The following SCN1A variants were observed in gnomAD, a reference collection of about 807,000 sequenced individuals.
SCN1A encodes the protein sodium voltage-gated channel alpha subunit 1.
Under a neutral mutation model 193.7 loss-of-function variants are expected in SCN1A, and 13 were observed. The observed-to-expected ratio is 0.07, with a 90% confidence interval of 0.04 to 0.11. The LOEUF is 0.11. SCN1A is among the 10% of genes least tolerant of loss of function. SCN1A has a pLI of 1.00. For synonymous variants in SCN1A, 781 were observed against 843.6 expected, an observed-to-expected ratio of 0.93 and a Z score of 1.29; for missense variants, 1,432 against 2,451.1, an observed-to-expected ratio of 0.58 and a Z score of 8.78.
chr2:166,038,166 A>G (rs757827295), intron 17 of SCN1A, 34 bp from the exon 18 acceptor site: 2 of 1,485,830 alleles, frequency 1.3e-6, no homozygotes, highest in East Asian at 4.7e-5. Flanking sequence ...TATTTGTATG[A>G]TTCTTAAAAG....
rs916743254 is a variant in SCN1A at position 166,038,959 on chromosome 2, A to G, written c.2589+464T>C. ...TATGTGTGAATTAATGGGCATGCTT[A>G]GTAATCCTACAGACTTTCTCTCCTT... On this transcript the variant is annotated intron_variant, in intron 17 of 28. Transcript: ENST00000674923. 3.9e-5 allele frequency among the ~76,000 whole-genome samples: 6 copies of G among 152,324 alleles called. No individual in the cohort carries two copies. In the East Asian group the frequency reaches 1.2e-3, roughly 29 times the overall value.
In SCN1A at chr2:166,015,609, T is replaced by G; in HGVS notation, c.3548A>C (p.Glu1183Ala). ...ETLEPEACFT[E>A]GCVQRFKCCQ... ...AACATTAGGATTCTTTTCTTTACCT[T>G]CAGTGAAACAAGCTTCTGGTTCAAG... Residue 1183 changes from glutamate (E) to alanine (A), a missense_variant and splice_region_variant, in exon 20 of 29, where the codon GAA (glutamate) becomes GCA (alanine). Coordinates refer to ENST00000674923, the MANE Select transcript of SCN1A (RefSeq NM_001165963.4). 2 of 1,612,570 alleles carry G rather than the reference T, an allele frequency of 1.2e-6. No homozygotes were observed. The highest frequency in any genetic ancestry group is 1.7e-6 in the Non-Finnish European group (2 of 1,178,752).
At chr2:166,013,503 A>G (rs1692821384) in intron 21 of SCN1A, among the ~76,000 whole-genome samples, 1 of 151,530 alleles carries the variant, frequency 6.6e-6, no homozygotes, top group South Asian at 2.1e-4. Flanking sequence ...GAAGGGCTAC[A>G]CTTTCTGGGC....
intron 3 of SCN1A, among the ~76,000 whole-genome samples, chr2:166,076,431 T>C (rs1002676870): frequency 3.9e-5 from 6 of 151,994 alleles, no homozygotes; most frequent in Non-Finnish European, 7.4e-5. Flanking sequence ...TGTCTTTGAA[T>C]AGGAGTGTTC....
intron 4 of SCN1A, among the ~76,000 whole-genome samples, chr2:166,070,604 A>C (rs1011543635): frequency 6.6e-6 from 1 of 152,052 alleles, no homozygotes; most frequent in African/African-American, 2.4e-5. Context: ...CAGTTTTAAG[A>C]TGTTTCTTTT....
chr2:166,094,944 C>T (rs1481419402), intron 2 of SCN1A, among the ~76,000 whole-genome samples: 2 of 152,196 alleles, frequency 1.3e-5, no homozygotes, highest in Non-Finnish European at 2.9e-5. Flanking sequence ...TGCAGTTACA[C>T]TTCTGAATTT....
chr2:166,129,579 C>A (rs1240004864), upstream of SCN1A, among the ~76,000 whole-genome samples: 1 of 152,114 alleles, frequency 6.6e-6, no homozygotes, highest in African/African-American at 2.4e-5. Flanking sequence ...AGAGTCAGGG[C>A]AAAGTTGAAA....
chr2:166,063,018 T>C (rs16851400), intron 4 of SCN1A, among the ~76,000 whole-genome samples: 2 of 151,880 alleles, frequency 1.3e-5, no homozygotes, highest in Non-Finnish European at 2.9e-5. Flanking sequence ...CCAAGGCTCA[T>C]AGGAACATTG....
At chr2:166,074,149 C>T (rs2105986809) in intron 3 of SCN1A, among the ~76,000 whole-genome samples, 1 of 152,294 alleles carries the variant, frequency 6.6e-6, no homozygotes, top group South Asian at 2.1e-4. Flanking sequence ...AGTGACCAAC[C>T]TTAATGACCA....
rs1163472869 is a variant in SCN1A at position 166,073,589 on chromosome 2, A to G, written c.33T>C (p.Pro11=). 5.0e-6 allele frequency: 8 copies of G among 1,613,954 alleles called. No individual in the cohort carries two copies. The highest frequency in any genetic ancestry group is 6.8e-6 in the Non-Finnish European group (8 of 1,179,990). The change falls in exon 4 of 29, where the codon CCT becomes CCC. Residue 11 remains proline, a synonymous_variant. Coordinates refer to ENST00000674923, the MANE Select transcript of SCN1A (RefSeq NM_001165963.4). MEQTVLVPPG[P]DSFNFFTRES... is the part of the protein sequence containing the mutation. Reference sequence around the variant, plus strand: ...CTCTGGTGAAGAAGTTGAAGCTGTCAGGTCCTGGTGGTACAAGCACTGTTT... The same window carrying G: ...CTCTGGTGAAGAAGTTGAAGCTGTCGGGTCCTGGTGGTACAAGCACTGTTT...
At chr2:166,112,405 T>C (rs552799056) in intron 2 of SCN1A, among the ~76,000 whole-genome samples, 6 of 152,198 alleles carry the variant, frequency 3.9e-5, no homozygotes, top group Non-Finnish European at 7.3e-5. Flanking sequence ...TTCAACATAA[T>C]ACTATCACAT....
In SCN1A at chr2:165,986,892, C is replaced by A. The variant is rs1295395910; in HGVS notation, c.*4353G>T. 1 of 151,948 alleles carries A rather than the reference C, an allele frequency of 6.6e-6. No individual in the cohort carries two copies. The highest frequency in any genetic ancestry group is 1.5e-5 in the Non-Finnish European group (1 of 67,944). 9.4% of individuals were successfully genotyped at this position (151,948 alleles called of 1,614,324 possible). ...CATTTTCAGAGAATAAGAACATTTTCTATTTTCATGGAACAGGCACACTAG... is the reference window on the plus strand; with the variant it reads ...CATTTTCAGAGAATAAGAACATTTTATATTTTCATGGAACAGGCACACTAG... On this transcript the variant is annotated 3_prime_UTR_variant, in exon 29 of 29. Coordinates refer to ENST00000674923, the MANE Select transcript of SCN1A (RefSeq NM_001165963.4).
intron 19 of SCN1A, among the ~76,000 whole-genome samples, chr2:166,032,202 TACACACAC>T: frequency 1.3e-5 from 1 of 77,236 alleles, no homozygotes. Flanking sequence ...TTGAAAGTCA[TACACACAC>T]ACACACACAC....
intron 2 of SCN1A, among the ~76,000 whole-genome samples, chr2:166,090,978 T>C (rs1226893594): frequency 6.6e-6 from 1 of 152,244 alleles, no homozygotes; most frequent in Admixed American, 6.5e-5. Context: ...AAATTACTAA[T>C]ATTTTATTGC....
chr2:166,037,363 T>C (rs1696521346), intron 18 of SCN1A, among the ~76,000 whole-genome samples: 1 of 152,200 alleles, frequency 6.6e-6, no homozygotes, highest in Non-Finnish European at 1.5e-5. Context: ...GTCTGGATGG[T>C]AATTTTGCAC....
chr2:166,054,346 T>G (rs546046189), intron 7 of SCN1A, among the ~76,000 whole-genome samples: 2 of 129,180 alleles, frequency 1.5e-5, no homozygotes, highest in East Asian at 4.9e-4. Context: ...GACATTAGAT[T>G]GTGTGTGTTC....
chr2:166,058,836 AAACT>A (rs1164338760), intron 4 of SCN1A, 148 bp from the exon 5 acceptor site: 1 of 610,432 alleles, frequency 1.6e-6, no homozygotes, highest in African/African-American at 1.9e-5. Context: ...CCATGAAAAC[AAACT>A]GTCACTGGAT....
intron 4 of SCN1A, among the ~76,000 whole-genome samples, chr2:166,072,070 A>G (rs1684487093): frequency 1.3e-5 from 2 of 152,166 alleles, no homozygotes; most frequent in Non-Finnish European, 2.9e-5. Context: ...ACAAATGCCA[A>G]ACTTTTGCAT....
At chr2:166,006,861 C>T (rs925098709) in intron 23 of SCN1A, among the ~76,000 whole-genome samples, 1 of 150,896 alleles carries the variant, frequency 6.6e-6, no homozygotes, top group Admixed American at 6.6e-5. Flanking sequence ...ATGCCTCAAA[C>T]AGTATCATGA....
Sources: gnomAD v4.1 joint callset for allele counts (sites outside exome capture counted in the v4.1 genomes callset) on GRCh38, gnomAD v4.1.1 for gene constraint, MANE v1.5 for transcripts, NCBI Gene and HGNC (gene_info 2026-07-23, HGNC 2026-07-21) for gene names.